FLNB: variants seen among roughly 807,000 people sequenced by gnomAD.
FLNB encodes filamin-B.
Under a neutral mutation model 250.6 loss-of-function variants are expected in FLNB, and 111 were observed. That is an observed-to-expected ratio of 0.44 (90% confidence interval 0.38 to 0.52). FLNB has a LOEUF of 0.52. Ranked by LOEUF, FLNB falls within the 20% of genes least tolerant of loss-of-function variation. The pLI, the probability that FLNB is intolerant of heterozygous loss-of-function variation, is 0.00. For missense variants in FLNB, 2,869 were observed against 3,447.8 expected, an observed-to-expected ratio of 0.83 and a Z score of 4.20; for synonymous variants, 1,302 against 1,372.1, an observed-to-expected ratio of 0.95 and a Z score of 1.13.
intron 1 of FLNB, among the ~76,000 whole-genome samples, chr3:58,028,908 A>C (rs1237677155): frequency 6.6e-6 from 1 of 151,750 alleles, no homozygotes; most frequent in African/African-American, 2.4e-5. Flanking sequence ...TAGCCACTGC[A>C]CCTGGCCAAA....
chr3:58,105,618 A>G (rs2097258347), intron 11 of FLNB, among the ~76,000 whole-genome samples: 1 of 152,220 alleles, frequency 6.6e-6, no homozygotes, highest in African/African-American at 2.4e-5. Context: ...TGTATATATG[A>G]TCATTTTATA....
Position 58,110,094 on chromosome 3 carries a change from C to T in FLNB, c.2408C>T (p.Ala803Val). The T allele has an allele frequency of 6.2e-7, 1 of 1,613,996 alleles. No individual in the cohort carries two copies. The highest frequency in any genetic ancestry group is 1.3e-5 in the African/African-American group (1 of 75,014). Reference sequence around the variant, plus strand: ...GTGGATTTTGACATTATTCACAATGCCAATGATACGTTCACAGTCAAATAT... The same window carrying T: ...GTGGATTTTGACATTATTCACAATGTCAATGATACGTTCACAGTCAAATAT... ...EDVDFDIIHN[A>V]NDTFTVKYVP... Residue 803 changes from alanine to valine, a missense_variant, in exon 16 of 46, where the codon GCC becomes GTC. Ala to Val is a moderately conservative substitution (Grantham distance 64). Coordinates refer to ENST00000295956, the MANE Select transcript of FLNB (RefSeq NM_001457.4).
chr3:58,151,736 C>G (rs1210526467), intron 38 of FLNB, among the ~76,000 whole-genome samples: 1 of 152,248 alleles, frequency 6.6e-6, no homozygotes, highest in Non-Finnish European at 1.5e-5. Flanking sequence ...CATCAACCTT[C>G]GTTACTCATC....
rs374708033 is a variant in FLNB at position 58,153,652 on chromosome 3, C to T, written c.6634+11C>T. 260 of 1,613,698 alleles carry T rather than the reference C, an allele frequency of 1.6e-4. 1 individual carries two copies. Among genetic ancestry groups the T allele is most frequent in the South Asian group, 1.2e-3 (105 of 91,032 alleles). On this transcript the variant is annotated intron_variant, in intron 39 of 45. Transcript: ENST00000295956. ...AAGCGGGAGTCCCAGGTGAGCATTG[C>T]GGGCAGGATTTTCACTTGGGAAGAA...
chr3:58,089,316 G>A (rs1316856731), intron 4 of FLNB, among the ~76,000 whole-genome samples: 1 of 151,950 alleles, frequency 6.6e-6, no homozygotes, highest in Non-Finnish European at 1.5e-5. Context: ...AGGCCGAGGC[G>A]GGCAGATCAC....
intron 15 of FLNB, 50 bp downstream of exon 15, chr3:58,109,749 CA>C (rs764014571): frequency 1.9e-6 from 3 of 1,612,656 alleles, no homozygotes; most frequent in Non-Finnish European, 2.5e-6. Context: ...GTGGGGAAGG[CA>C]GTTCTTTTCA....
intron 40 of FLNB, among the ~76,000 whole-genome samples, chr3:58,155,564 TA>T (rs34014091): frequency 0.11 from 16,145 of 152,254 alleles, 971 homozygotes; most frequent in African/African-American, 0.12. Context: ...TAAAATGACA[TA>T]AAAATATATG....
At chr3:58,060,769 C>CAAAAAAAAAAAAAAAAAAA (rs71091334) in intron 1 of FLNB, among the ~76,000 whole-genome samples, 19 of 64,208 alleles carry the variant, frequency 3.0e-4, no homozygotes, top group Non-Finnish European at 4.5e-4. Context: ...GACCTTGTCT[C>CAAAAAAAAAAAAAAAAAAA]AAAAAAAAAA....
Position 58,169,824 on chromosome 3 carries a change from T to TGGGGGGGGG in FLNB, c.7621+35_7621+36insGGGGGGGGG. 2 of 684,930 alleles carry TGGGGGGGGG rather than the reference T, an allele frequency of 2.9e-6. No individual in the cohort carries two copies. The highest frequency in any genetic ancestry group is 5.2e-6 in the Non-Finnish European group (2 of 387,974). The allele number at this position is 684,930 out of a possible 1,614,324, so 42.4% of individuals were successfully genotyped here. A position where few individuals can be genotyped will look rare whatever the true frequency, so the allele number is the denominator to read the frequency against. ...TGTCTGGGCCTTTTCAAGGGTGGGG[T>TGGGGGGGGG]GGGGCAGGGGCAGGCTGGGCACCCT... On this transcript the variant is annotated intron_variant, in intron 45 of 45. Transcript: ENST00000295956. The surrounding 1 kb of genome is among the most constrained non-coding windows in gnomAD (Gnocchi z 4.8).
intron 4 of FLNB, among the ~76,000 whole-genome samples, chr3:58,085,486 ATTTTTT>A (rs1301450530): frequency 1.3e-5 from 2 of 152,090 alleles, no homozygotes; most frequent in Admixed American, 1.3e-4. Flanking sequence ...GTGTTGTTTT[ATTTTTT>A]ATTTCCTGAT....
At chr3:58,108,607 C>A in intron 13 of FLNB, 36 bp downstream of exon 13, 1 of 1,385,094 alleles carries the variant, frequency 7.2e-7, no homozygotes, top group Non-Finnish European at 1.0e-6. Flanking sequence ...AGGTAATTGT[C>A]AGGTAACAAG....
At chr3:58,052,986 A>T (rs1018532857) in intron 1 of FLNB, among the ~76,000 whole-genome samples, 16 of 152,308 alleles carry the variant, frequency 1.1e-4, no homozygotes, top group African/African-American at 3.8e-4. Context: ...TATGCCTCTC[A>T]GTACTGTACT....
At chr3:58,161,040 G>T (rs545534123) in intron 42 of FLNB, among the ~76,000 whole-genome samples, 5 of 152,298 alleles carry the variant, frequency 3.3e-5, no homozygotes, top group Non-Finnish European at 5.9e-5. Context: ...ATGTTTCCTA[G>T]TAGGCAGAAA....
At chr3:58,015,629 T>G (rs149988295) in intron 1 of FLNB, among the ~76,000 whole-genome samples, 90 of 152,242 alleles carry the variant, frequency 5.9e-4, no homozygotes, top group African/African-American at 2.0e-3. Context: ...GGAGAGCTGC[T>G]CAAACCTTCA....
In FLNB at chr3:58,146,884, T is replaced by C; in HGVS notation, c.5619T>C (p.Asp1873=). 1 of 1,614,188 alleles carries C rather than the reference T, an allele frequency of 6.2e-7. No homozygotes were observed. The highest frequency in any genetic ancestry group is 8.5e-7 in the Non-Finnish European group (1 of 1,180,028). The stretch of plus-strand genomic sequence containing the variant: ...AAATCAGCTGCATTGACAATAAAGA[T>C]GGGACATGCACAGTGACCTACCTGC... ...KAEISCIDNK[D]GTCTVTYLPT... Residue 1873 remains aspartate (D), a synonymous_variant, in exon 34 of 46, where the codon GAT becomes GAC. Transcript: ENST00000295956.
chr3:58,130,114 A>G (rs1200903942), intron 24 of FLNB, among the ~76,000 whole-genome samples: 1 of 152,028 alleles, frequency 6.6e-6, no homozygotes, highest in African/African-American at 2.4e-5. Context: ...GTGTGGTCAG[A>G]AGGTGCCAGC....
chr3:58,144,828 G>A (rs913063574), intron 32 of FLNB, among the ~76,000 whole-genome samples: 5 of 152,172 alleles, frequency 3.3e-5, no homozygotes, highest in South Asian at 2.1e-4. Flanking sequence ...GAATCTCAGC[G>A]TTGCTTTATT....
In FLNB at chr3:58,063,256, C is replaced by T. The variant is rs1240439652; in HGVS notation, c.293-13790C>T. ...CAGTTACTTCAGCCAGCGACCTGCCCTTTCTTTGAGTGGGTTCCACCCATC... is the reference window on the plus strand; with the variant it reads ...CAGTTACTTCAGCCAGCGACCTGCCTTTTCTTTGAGTGGGTTCCACCCATC... On this transcript the variant is annotated intron_variant, in intron 1 of 45. Coordinates refer to ENST00000295956, the MANE Select transcript of FLNB (RefSeq NM_001457.4). Among the ~76,000 whole-genome samples the T allele has an allele frequency of 2.0e-5, 3 of 152,214 alleles. No individual in the cohort carries two copies. In the East Asian group the frequency reaches 5.8e-4, roughly 29 times the overall value.
chr3:58,045,361 C>T (rs1237389130), intron 1 of FLNB, among the ~76,000 whole-genome samples: 2 of 152,184 alleles, frequency 1.3e-5, no homozygotes, highest in Non-Finnish European at 1.5e-5. Flanking sequence ...CCATCTAAAG[C>T]AAGCCTGTCC....
Sources: allele counts gnomAD v4.1 joint callset (sites outside exome capture counted in the v4.1 genomes callset), GRCh38; gene constraint gnomAD v4.1.1; non-coding constraint Gnocchi (gnomAD v3.1); transcripts MANE v1.5; gene names NCBI Gene and HGNC (gene_info 2026-07-23, HGNC 2026-07-21).